Variants in DENND2A observed in about 807,000 individuals in gnomAD.
DENND2A encodes DENN domain-containing protein 2A.
Under a neutral mutation model 105.3 loss-of-function variants are expected in DENND2A, and 53 were observed. That is an observed-to-expected ratio of 0.50 (90% CI 0.40 to 0.63). The LOEUF is 0.63. DENND2A is among the 30% of genes least tolerant of loss of function. The probability of loss-of-function intolerance (pLI) is 0.00; values close to 1 mark genes in which losing one functional copy is unlikely to be tolerated. For missense variants in DENND2A, 1,138 were observed against 1,279.6 expected (o/e 0.89, Z 1.69); for synonymous variants, 522 against 508.4 (o/e 1.03, Z -0.36).
At chr7:140,578,652 G>A (rs373860244) in intron 5 of DENND2A, among the ~76,000 whole-genome samples, 52 of 152,160 alleles carry the variant, frequency 3.4e-4, no homozygotes, top group African/African-American at 1.1e-3. Flanking sequence ...AGGCTGAGGC[G>A]GGTGGATCAC....
At chr7:140,560,194 T>C (rs1304005473) in intron 9 of DENND2A, among the ~76,000 whole-genome samples, 1 of 152,202 alleles carries the variant, frequency 6.6e-6, no homozygotes, top group East Asian at 1.9e-4. Flanking sequence ...CAGGCAAAGC[T>C]GTCCCTTTCG....
intron 1 of DENND2A, among the ~76,000 whole-genome samples, chr7:140,624,735 C>A (rs34807781): frequency 1.3e-5 from 2 of 151,260 alleles, no homozygotes; most frequent in African/African-American, 4.9e-5. Context: ...AGAGCCACTT[C>A]TTCAGAAACC....
chr7:140,540,640 C>T (rs959073778), intron 14 of DENND2A, among the ~76,000 whole-genome samples: 1 of 152,132 alleles, frequency 6.6e-6, no homozygotes, highest in Non-Finnish European at 1.5e-5. Flanking sequence ...CCTGTCCACC[C>T]GGAAATCTGT....
chr7:140,518,589 C>A lies in DENND2A; in HGVS notation c.*118G>T. 1 of 1,069,068 alleles carries A rather than the reference C, an allele frequency of 9.4e-7. No homozygotes were observed. Among genetic ancestry groups the A allele is most frequent in the Non-Finnish European group, 1.4e-6 (1 of 733,374 alleles). 66.2% of individuals were successfully genotyped at this position (1,069,068 alleles called of 1,614,324 possible). A position where few individuals can be genotyped will look rare whatever the true frequency, so the allele number is the denominator to read the frequency against. On this transcript the variant is annotated 3_prime_UTR_variant, in exon 20 of 20. Coordinates refer to ENST00000496613, the MANE Select transcript of DENND2A (RefSeq NM_015689.5). ...GAGCCCAGCCTCGGCCAGAAGCCAC[C>A]GCGGCCTCCAGTTCCGCACCGTGAC... is the stretch of plus-strand genomic sequence containing the variant.
intron 19 of DENND2A, 149 bp from the exon 20 acceptor site, chr7:140,518,887 G>C (rs1358429825): frequency 1.5e-6 from 1 of 668,282 alleles, no homozygotes; most frequent in African/African-American, 1.8e-5. Flanking sequence ...AGCCAAAGGG[G>C]CTTTGTTCTT....
intron 2 of DENND2A, among the ~76,000 whole-genome samples, chr7:140,605,155 C>T (rs1799645912): frequency 6.6e-6 from 1 of 152,184 alleles, no homozygotes; most frequent in African/African-American, 2.4e-5. Flanking sequence ...AGAGTTCCTG[C>T]TCCATGTGGT....
intron 12 of DENND2A, among the ~76,000 whole-genome samples, chr7:140,550,338 G>A (rs1307335009): frequency 6.7e-6 from 1 of 150,332 alleles, no homozygotes; most frequent in Non-Finnish European, 1.5e-5. Flanking sequence ...GATTACGGAC[G>A]CCCACCACCA....
chr7:140,631,024 G>A (rs1382607828), intron 1 of DENND2A, among the ~76,000 whole-genome samples: 2 of 152,176 alleles, frequency 1.3e-5, no homozygotes, highest in Admixed American at 6.5e-5. Context: ...CAGAATAGAA[G>A]TATTTCAGTA....
intron 5 of DENND2A, among the ~76,000 whole-genome samples, chr7:140,583,926 G>GGA (rs1554473822): frequency 9.3e-6 from 1 of 107,604 alleles, no homozygotes; most frequent in Non-Finnish European, 1.8e-5. Context: ...ACTCCGTCTC[G>GGA]AAAAAAAAAA....
At chr7:140,569,830 G>GAGGGCC in intron 6 of DENND2A, 92 bp from the exon 7 acceptor site, 1 of 840,982 alleles carries the variant, frequency 1.2e-6, no homozygotes. Flanking sequence ...TAGGACGATG[G>GAGGGCC]AGGGCCAGGG....
rs1235122107 is a variant in DENND2A at position 140,544,285 on chromosome 7, C to A, written c.2327+333G>T. 3 of 425,104 alleles carry A rather than the reference C, an allele frequency of 7.1e-6. No individual in the cohort carries two copies. The East Asian group carries it at 1.5e-4, about 21-fold the overall frequency. The allele number at this position is 425,104 out of a possible 1,614,324, so 26.3% of individuals were successfully genotyped here. Reference sequence around the variant, plus strand: ...TCTCAGCTCACTGCAATGTCCACCTCCCAGGTTCAATCGATTCCCGTGCCT... The same window carrying A: ...TCTCAGCTCACTGCAATGTCCACCTACCAGGTTCAATCGATTCCCGTGCCT... On this transcript the variant is annotated intron_variant, in intron 14 of 19. Coordinates refer to ENST00000496613, the MANE Select transcript of DENND2A (RefSeq NM_015689.5).
At chr7:140,546,763 C>A (rs1450638068) in intron 13 of DENND2A, 36 bp downstream of exon 13, 1 of 1,609,584 alleles carries the variant, frequency 6.2e-7, no homozygotes, top group East Asian at 2.2e-5. Flanking sequence ...TGGGCCACTG[C>A]CTCCCCAGGG....
At chr7:140,536,764 G>C (rs1408233008) in intron 14 of DENND2A, among the ~76,000 whole-genome samples, 1 of 152,134 alleles carries the variant, frequency 6.6e-6, no homozygotes, top group Non-Finnish European at 1.5e-5. Context: ...CTGGGTTCAA[G>C]TGATTCTCCT....
intron 1 of DENND2A, among the ~76,000 whole-genome samples, chr7:140,626,040 T>C (rs927533214): frequency 2.2e-4 from 33 of 152,234 alleles, no homozygotes; most frequent in African/African-American, 7.7e-4. Context: ...ATGTGGACAT[T>C]AAGGCCTGGA....
In DENND2A at chr7:140,559,373, C is replaced by T. The variant is rs1263539206; in HGVS notation, c.1889+335G>A. Among the ~76,000 whole-genome samples, 1 of 152,180 alleles carries T rather than the reference C, an allele frequency of 6.6e-6. No homozygotes were observed. Among genetic ancestry groups the T allele is most frequent in the East Asian group, 1.9e-4 (1 of 5,196 alleles). On this transcript the variant is annotated intron_variant, in intron 10 of 19. Transcript: ENST00000496613. The surrounding 1 kb of genome is among the most constrained non-coding windows in gnomAD (Gnocchi z 4.1). The stretch of plus-strand genomic sequence containing the variant: ...GCAGAAATGTAAACGGATCCCAATC[C>T]AAGAAACATCTGGATAGGAGACTGA...
intron 1 of DENND2A, among the ~76,000 whole-genome samples, chr7:140,630,195 C>T (rs924511825): frequency 2.6e-5 from 4 of 151,840 alleles, no homozygotes; most frequent in Non-Finnish European, 5.9e-5. Context: ...ACTGCAGCCT[C>T]GACCTCTTGT....
rs770092372 is a variant in DENND2A, at chr7:140,601,835, G to A, written c.563C>T (p.Pro188Leu). 2 of 1,614,160 alleles carry A rather than the reference G, an allele frequency of 1.2e-6. No homozygotes were observed. The highest frequency in any genetic ancestry group is 2.2e-5 in the South Asian group (2 of 91,082). ...CTCTGCCTTGTCAGGAGGGCAGTGT[G>A]GGGAGTAACAAGTCCCTGGTAACTG... ...DPQLPGTCYSPHCPPDKAEAG... is the reference protein window; with the variant it reads ...DPQLPGTCYSLHCPPDKAEAG... Residue 188 changes from proline (P) to leucine (L), a missense_variant, in exon 3 of 20, where the codon CCA becomes CTA. Physicochemically the swap from Pro to Leu is moderately conservative, Grantham distance 98. Transcript: ENST00000496613.
At chr7:140,625,370 C>A (rs1406751723) in intron 1 of DENND2A, among the ~76,000 whole-genome samples, 1 of 150,118 alleles carries the variant, frequency 6.7e-6, no homozygotes, top group Non-Finnish European at 1.5e-5. Flanking sequence ...GAACGATACT[C>A]CGTTTCAAGA....
intron 14 of DENND2A, among the ~76,000 whole-genome samples, chr7:140,537,413 C>T (rs1029331865): frequency 7.2e-5 from 11 of 152,172 alleles, no homozygotes; most frequent in Admixed American, 2.0e-4. Context: ...TATGGTTTAA[C>T]GCACTACAAA....
Sources: gnomAD v4.1 joint callset for allele counts (sites outside exome capture counted in the v4.1 genomes callset) on GRCh38, gnomAD v4.1.1 for gene constraint, Gnocchi (gnomAD v3.1) non-coding constraint, MANE v1.5 for transcripts, NCBI Gene and HGNC (gene_info 2026-07-23, HGNC 2026-07-21) for gene names.